The following FTO variants were observed in gnomAD, a reference collection of about 807,000 sequenced individuals.
The protein encoded by FTO is FTO alpha-ketoglutarate dependent dioxygenase, also known as alpha-ketoglutarate-dependent dioxygenase FTO.
In FTO, 47 loss-of-function variants were observed where a neutral mutation model predicts 63.9. The ratio of observed to expected loss-of-function variants is 0.74; its 90% CI spans 0.58 to 0.94. The LOEUF (loss-of-function observed/expected upper bound fraction) is 0.94. Ranked by LOEUF, FTO falls within the 40% of genes least tolerant of loss-of-function variation. The probability of loss-of-function intolerance (pLI) is 0.00; values close to 1 mark genes in which losing one functional copy is unlikely to be tolerated. For missense variants in FTO, 562 were observed against 618.1 expected (o/e 0.91, Z 0.96); for synonymous variants, 207 against 224.4 (o/e 0.92, Z 0.69).
Position 53,873,769 on chromosome 16 carries a change from TG to T in FTO, c.896-15del. The T allele has an allele frequency of 6.2e-7, 1 of 1,603,434 alleles. No individual in the cohort carries two copies. Among genetic ancestry groups the T allele is most frequent in the Non-Finnish European group, 8.5e-7 (1 of 1,170,614 alleles). ...TAATAAATATGGTTTTATACATTTC[TG>T]GTGTTTTTCCTGTAGATGATCTCAA... On this transcript the variant is annotated splice_polypyrimidine_tract_variant and intron_variant, in intron 4 of 8. Coordinates refer to ENST00000471389, the MANE Select transcript of FTO (RefSeq NM_001080432.3).
At chr16:54,011,590 G>A (rs1454596514) in intron 8 of FTO, among the ~76,000 whole-genome samples, 1 of 152,170 alleles carries the variant, frequency 6.6e-6, no homozygotes, top group Non-Finnish European at 1.5e-5. Flanking sequence ...GTAGAAACCT[G>A]CATTGAGTAA....
At chr16:53,978,276 T>C (rs535588783) in intron 8 of FTO, among the ~76,000 whole-genome samples, 14 of 152,306 alleles carry the variant, frequency 9.2e-5, no homozygotes, top group Non-Finnish European at 1.6e-4. Flanking sequence ...AAATGAGACC[T>C]ATTTGCACCC....
intron 8 of FTO, among the ~76,000 whole-genome samples, chr16:54,025,698 GA>G (rs1305502632): frequency 6.1e-5 from 9 of 148,662 alleles, no homozygotes; most frequent in African/African-American, 2.3e-4. Context: ...CAACCTGGGT[GA>G]TAGAATGAGA....
At position 53,930,080 on chromosome 16, in the gene FTO, C is replaced by T. The variant is rs1040669086; in HGVS notation, c.1240-3905C>T. ...AAGTCTTCATTTAAATCTGCTGCATCGTTATTCTCCACCACTTGTTAATAT... is the reference window on the plus strand; with the variant it reads ...AAGTCTTCATTTAAATCTGCTGCATTGTTATTCTCCACCACTTGTTAATAT... On this transcript the variant is annotated intron_variant, in intron 7 of 8. Transcript: ENST00000471389. 4.6e-5 allele frequency among the ~76,000 whole-genome samples: 7 copies of T among 152,162 alleles called. No homozygotes were observed. The East Asian group carries it at 1.2e-3, about 25-fold the overall frequency.
intron 8 of FTO, among the ~76,000 whole-genome samples, chr16:54,096,707 A>G (rs1254012692): frequency 1.3e-5 from 2 of 152,170 alleles, no homozygotes; most frequent in African/African-American, 4.8e-5. Context: ...TGAGTGACCT[A>G]AGTTTCAGCC....
chr16:53,889,752 A>G (rs1477576888), intron 7 of FTO, among the ~76,000 whole-genome samples: 1 of 152,104 alleles, frequency 6.6e-6, no homozygotes, highest in Non-Finnish European at 1.5e-5. Flanking sequence ...AGTAGTGCAG[A>G]TGATGTGGGA....
At chr16:54,078,771 AC>A (rs1567557996) in intron 8 of FTO, among the ~76,000 whole-genome samples, 1 of 152,160 alleles carries the variant, frequency 6.6e-6, no homozygotes, top group Non-Finnish European at 1.5e-5. Context: ...AAACTCTAAA[AC>A]AGAAAGGCCA....
At chr16:53,723,490 G>A (rs549278750) in intron 1 of FTO, among the ~76,000 whole-genome samples, 21 of 152,256 alleles carry the variant, frequency 1.4e-4, no homozygotes, top group South Asian at 4.2e-4. Flanking sequence ...ACCTGGTTGG[G>A]TCAGCTCATA....
chr16:53,945,177 G>A (rs1018031542), intron 8 of FTO, among the ~76,000 whole-genome samples: 6 of 152,198 alleles, frequency 3.9e-5, no homozygotes, highest in East Asian at 1.9e-4. Context: ...GGCTCCATAC[G>A]TGAGATCCCC....
intron 1 of FTO, among the ~76,000 whole-genome samples, chr16:53,722,370 T>G (rs1278609021): frequency 6.6e-6 from 1 of 152,220 alleles, no homozygotes; most frequent in Non-Finnish European, 1.5e-5. Context: ...TCTAGTAAGA[T>G]GCTACAAATG....
At chr16:54,001,002 A>G (rs1443870065) in intron 8 of FTO, among the ~76,000 whole-genome samples, 2 of 152,186 alleles carry the variant, frequency 1.3e-5, no homozygotes, top group Non-Finnish European at 2.9e-5. Flanking sequence ...TGAGGGGTTT[A>G]AACTAGATGA....
In FTO at chr16:54,081,898, C is replaced by T. The variant is rs549501262; in HGVS notation, c.1365-29864C>T. 3.3e-5 allele frequency among the ~76,000 whole-genome samples: 5 copies of T among 152,282 alleles called. No individual in the cohort carries two copies. In the South Asian group the frequency reaches 1.0e-3, roughly 32 times the overall value. On this transcript the variant is annotated intron_variant, in intron 8 of 8. Coordinates refer to ENST00000471389, the MANE Select transcript of FTO (RefSeq NM_001080432.3). ...AAATCATAACGGAACAGAGATGTCACGTGGCTCTGGCCAAGGACGTAAGTG... is the reference window on the plus strand; with the variant it reads ...AAATCATAACGGAACAGAGATGTCATGTGGCTCTGGCCAAGGACGTAAGTG...
chr16:54,048,544 AC>A (rs2085238860), intron 8 of FTO, among the ~76,000 whole-genome samples: 1 of 152,252 alleles, frequency 6.6e-6, no homozygotes, highest in African/African-American at 2.4e-5. Context: ...ATCAGAAAGA[AC>A]AATTGGGTGA....
chr16:53,821,993 T>G (rs1397921474), intron 2 of FTO, among the ~76,000 whole-genome samples: 3 of 152,230 alleles, frequency 2.0e-5, no homozygotes, highest in Admixed American at 1.3e-4. Flanking sequence ...GGTCTTGCAG[T>G]GACAATGACA....
At chr16:53,969,806 G>A (rs1240214545) in intron 8 of FTO, among the ~76,000 whole-genome samples, 2 of 152,184 alleles carry the variant, frequency 1.3e-5, no homozygotes, top group African/African-American at 4.8e-5. Flanking sequence ...CCCGTAACCT[G>A]CTCTATCTCT....
chr16:53,778,099 A>C (rs2077503664), intron 1 of FTO, among the ~76,000 whole-genome samples: 1 of 152,208 alleles, frequency 6.6e-6, no homozygotes, highest in South Asian at 2.1e-4. Flanking sequence ...TGCTTCACCA[A>C]GGACATGCTT....
chr16:53,739,800 A>T (rs1470273858), intron 1 of FTO, among the ~76,000 whole-genome samples: 1 of 152,090 alleles, frequency 6.6e-6, no homozygotes. Flanking sequence ...ACCATTTTAA[A>T]GTGTTTGAAA....
At chr16:54,016,873 A>G (rs2084461816) in intron 8 of FTO, among the ~76,000 whole-genome samples, 2 of 152,212 alleles carry the variant, frequency 1.3e-5, no homozygotes, top group South Asian at 4.1e-4. Context: ...AACATCCAGA[A>G]TTGAAGAGAA....
At chr16:53,737,266 T>C (rs2076410533) in intron 1 of FTO, among the ~76,000 whole-genome samples, 1 of 152,240 alleles carries the variant, frequency 6.6e-6, no homozygotes, top group South Asian at 2.1e-4. Context: ...TATCTCTATA[T>C]ACATACACAC....
Sources: gnomAD v4.1 joint callset for allele counts (sites outside exome capture counted in the v4.1 genomes callset) on GRCh38, gnomAD v4.1.1 for gene constraint, MANE v1.5 for transcripts, NCBI Gene and HGNC (gene_info 2026-07-23, HGNC 2026-07-21) for gene names.